Variants in NEGR1 observed in about 807,000 individuals in gnomAD.
NEGR1 encodes IgLON family member 4.
NEGR1 carries 10 observed loss-of-function variants against 40.9 expected under a neutral mutation model. The ratio of observed to expected loss-of-function variants is 0.24; its 90% CI spans 0.15 to 0.42. The LOEUF is 0.42. Among genes scored for constraint, NEGR1 ranks in the 10% least tolerant of loss-of-function variants. The pLI is 1.00. For missense variants in NEGR1, 352 were observed against 438.9 expected (o/e 0.80, Z 1.77); for synonymous variants, 185 against 166.8 (o/e 1.11, Z -0.84).
chr1:72,065,758 T>C (rs1647257321), intron 1 of NEGR1, among the ~76,000 whole-genome samples: 3 of 152,118 alleles, frequency 2.0e-5, no homozygotes, highest in African/African-American at 7.2e-5. Context: ...AATTCTTATT[T>C]TGCATTAATC....
chr1:71,657,982 C>CT (rs1319827334), intron 4 of NEGR1, among the ~76,000 whole-genome samples: 3 of 152,162 alleles, frequency 2.0e-5, no homozygotes, highest in Non-Finnish European at 4.4e-5. Context: ...GCTAAACATT[C>CT]TTTTTTTCTC....
chr1:71,970,276 G>A (rs1450315057), intron 1 of NEGR1, among the ~76,000 whole-genome samples: 1 of 152,148 alleles, frequency 6.6e-6, no homozygotes, highest in African/African-American at 2.4e-5. Flanking sequence ...GCAAGGAAGG[G>A]CCAGATCCTG....
At chr1:71,898,909 A>AT (rs1316440290) in intron 2 of NEGR1, among the ~76,000 whole-genome samples, 28 of 90,582 alleles carry the variant, frequency 3.1e-4, no homozygotes, top group African/African-American at 9.7e-4. Flanking sequence ...ATATATATAT[A>AT]TTGCAAATAT....
intron 2 of NEGR1, among the ~76,000 whole-genome samples, chr1:71,783,202 T>C (rs944201332): frequency 2.6e-5 from 4 of 152,140 alleles, no homozygotes; most frequent in Non-Finnish European, 5.9e-5. Flanking sequence ...ATTGGCTTTT[T>C]TGCACTCCCA....
chr1:72,126,091 ATGTGTGTGTGTGTGTGTG>A (rs67552146), intron 1 of NEGR1, among the ~76,000 whole-genome samples: 3 of 146,828 alleles, frequency 2.0e-5, no homozygotes, highest in East Asian at 2.0e-4. Flanking sequence ...AGAGAAAAGT[ATGTGTGTGTGTGTGTGTG>A]TGTGTGTGTG....
chr1:72,073,127 C>T (rs192804173), intron 1 of NEGR1, among the ~76,000 whole-genome samples: 27 of 152,146 alleles, frequency 1.8e-4, no homozygotes, highest in Non-Finnish European at 3.4e-4. Flanking sequence ...CCAAAGAAGA[C>T]CTTAAGCTAA....
At chr1:72,130,050 TCTG>T (rs1650183156) in intron 1 of NEGR1, among the ~76,000 whole-genome samples, 1 of 152,196 alleles carries the variant, frequency 6.6e-6, no homozygotes, top group Non-Finnish European at 1.5e-5. Context: ...CTGTCACTCC[TCTG>T]CTAAGTCTCT....
intron 2 of NEGR1, among the ~76,000 whole-genome samples, chr1:71,792,246 A>G (rs1657143901): frequency 6.6e-6 from 1 of 152,134 alleles, no homozygotes; most frequent in African/African-American, 2.4e-5. Context: ...TGAAAACTCC[A>G]TGGCTGGTTG....
chr1:71,732,186 T>C (rs898628606), intron 3 of NEGR1, among the ~76,000 whole-genome samples: 5 of 152,208 alleles, frequency 3.3e-5, no homozygotes, highest in African/African-American at 9.6e-5. Flanking sequence ...CACACGCCTA[T>C]AGTCGCAGCT....
chr1:71,880,680 C>T (rs1302290417), intron 2 of NEGR1, among the ~76,000 whole-genome samples: 1 of 151,938 alleles, frequency 6.6e-6, no homozygotes, highest in African/African-American at 2.4e-5. Flanking sequence ...AGCTTCCTAC[C>T]AAGATAACCT....
chr1:71,638,971 A>G (rs1462151480), intron 4 of NEGR1, among the ~76,000 whole-genome samples: 1 of 151,868 alleles, frequency 6.6e-6, no homozygotes, highest in Non-Finnish European at 1.5e-5. Context: ...CACCTATCAC[A>G]AGGAGGAAGA....
intron 1 of NEGR1, among the ~76,000 whole-genome samples, chr1:72,153,756 GAT>G (rs1428606791): frequency 1.3e-5 from 2 of 151,780 alleles, no homozygotes; most frequent in African/African-American, 4.8e-5. Context: ...GCTTTTAAAA[GAT>G]AAGTGGAAAA....
At chr1:72,147,164 A>G (rs1335542717) in intron 1 of NEGR1, among the ~76,000 whole-genome samples, 1 of 152,212 alleles carries the variant, frequency 6.6e-6, no homozygotes, top group Non-Finnish European at 1.5e-5. Flanking sequence ...GTAAAAATTT[A>G]GATGTATATG....
intron 6 of NEGR1, among the ~76,000 whole-genome samples, chr1:71,589,461 G>T (rs937738743): frequency 2.0e-5 from 3 of 151,902 alleles, no homozygotes; most frequent in Non-Finnish European, 4.4e-5. Flanking sequence ...TCTCCATTCT[G>T]GACTTTATAC....
chr1:71,532,425 G>A (rs1348813430), intron 6 of NEGR1, among the ~76,000 whole-genome samples: 1 of 151,560 alleles, frequency 6.6e-6, no homozygotes, highest in Non-Finnish European at 1.5e-5. Context: ...AAGAGTAGAA[G>A]TATAGGTTTT....
intron 1 of NEGR1, among the ~76,000 whole-genome samples, chr1:71,971,287 G>A (rs758987722): frequency 1.1e-4 from 16 of 152,024 alleles, no homozygotes; most frequent in East Asian, 1.9e-4. Flanking sequence ...ATTTGTTTTT[G>A]TTTTGCTTTT....
At chr1:71,596,945 T>C (rs1034234566) in intron 5 of NEGR1, among the ~76,000 whole-genome samples, 22 of 152,208 alleles carry the variant, frequency 1.4e-4, no homozygotes, top group Non-Finnish European at 2.4e-4. Context: ...GAGAACATGA[T>C]AATGATATAT....
At chr1:72,082,686 A>G (rs1557517577) in intron 1 of NEGR1, among the ~76,000 whole-genome samples, 1 of 151,206 alleles carries the variant, frequency 6.6e-6, no homozygotes, top group Non-Finnish European at 1.5e-5. Context: ...CAAAACCACA[A>G]TTAGAAAAAA....
At chr1:71,742,601 A>G (rs1655250055) in intron 3 of NEGR1, among the ~76,000 whole-genome samples, 1 of 150,852 alleles carries the variant, frequency 6.6e-6, no homozygotes, top group African/African-American at 2.5e-5. Context: ...GAAAATGTCT[A>G]TCCTATGTCT....
Sources: allele counts gnomAD v4.1 joint callset (sites outside exome capture counted in the v4.1 genomes callset), GRCh38; gene constraint gnomAD v4.1.1; transcripts MANE v1.5; gene names NCBI Gene and HGNC (gene_info 2026-07-23, HGNC 2026-07-21).